PHACTR1: variants seen among roughly 807,000 people sequenced by gnomAD.
PHACTR1 encodes the protein RPEL repeat containing 1.
Under a neutral mutation model 69.2 loss-of-function variants are expected in PHACTR1, and 16 were observed. The ratio of observed to expected loss-of-function variants is 0.23; its 90% confidence interval spans 0.16 to 0.35. The LOEUF is 0.35. PHACTR1 is among the 10% of genes least tolerant of loss of function. The probability of loss-of-function intolerance (pLI) is 1.00; values close to 1 mark genes in which losing one functional copy is unlikely to be tolerated. For missense variants in PHACTR1, 510 were observed against 734.7 expected, an observed-to-expected ratio of 0.69 and a Z score of 3.54; for synonymous variants, 312 against 284.5, an observed-to-expected ratio of 1.10 and a Z score of -0.97.
chr6:12,733,811 A>G (rs1212861909), intron 3 of PHACTR1, among the ~76,000 whole-genome samples: 1 of 152,268 alleles, frequency 6.6e-6, no homozygotes, highest in Non-Finnish European at 1.5e-5. Context: ...TTAGATTTCA[A>G]AAGATGCCAT....
intron 10 of PHACTR1, among the ~76,000 whole-genome samples, chr6:13,262,141 T>C (rs191560690): frequency 1.8e-4 from 27 of 152,164 alleles, no homozygotes; most frequent in Non-Finnish European, 2.5e-4. Flanking sequence ...GAGATGCTGA[T>C]GGACTGCTTC....
intron 5 of PHACTR1, among the ~76,000 whole-genome samples, chr6:13,099,879 C>T (rs1246449227): frequency 6.6e-6 from 1 of 152,184 alleles, no homozygotes; most frequent in African/African-American, 2.4e-5. Flanking sequence ...TCAAAGTCTT[C>T]TGTAATTTGT....
chr6:13,283,218 A>C lies in PHACTR1; in HGVS notation c.1510-204A>C. 3.6e-6 allele frequency: 2 copies of C among 558,614 alleles called. No homozygotes were observed. Among genetic ancestry groups the C allele is most frequent in the Non-Finnish European group, 6.2e-6 (2 of 320,080 alleles). 34.6% of individuals were successfully genotyped at this position (558,614 alleles called of 1,614,324 possible). A position where few individuals can be genotyped will look rare whatever the true frequency, so the allele number is the denominator to read the frequency against. The stretch of plus-strand genomic sequence containing the variant: ...AGGGATAACAAAGCTCTCTCTTAGG[A>C]CCTAGAAACGTCCCACTCCCAAGAG... On this transcript the variant is annotated intron_variant, in intron 12 of 14. Transcript: ENST00000332995. This position sits in a 1 kb window ranked among gnomAD's most constrained non-coding sequence, Gnocchi z 4.7.
At chr6:12,936,456 G>C (rs6912630) in intron 4 of PHACTR1, among the ~76,000 whole-genome samples, 18,606 of 152,172 alleles carry the variant, frequency 0.12, 2,233 homozygotes, top group African/African-American at 0.31. Flanking sequence ...TCTTTTGTAC[G>C]CACTGAAACA....
intron 4 of PHACTR1, among the ~76,000 whole-genome samples, chr6:12,826,835 G>A (rs1776852922): frequency 6.6e-6 from 1 of 152,152 alleles, no homozygotes; most frequent in Non-Finnish European, 1.5e-5. Flanking sequence ...CTCATTATGG[G>A]CATGCTTTGT....
At chr6:12,790,171 C>T (rs1772083960) in intron 4 of PHACTR1, among the ~76,000 whole-genome samples, 2 of 152,050 alleles carry the variant, frequency 1.3e-5, no homozygotes, top group African/African-American at 4.8e-5. Flanking sequence ...TGTGAAAAAC[C>T]CCTTGGTCAA....
intron 5 of PHACTR1, among the ~76,000 whole-genome samples, chr6:13,156,267 C>G (rs1758158650): frequency 6.6e-6 from 1 of 152,146 alleles, no homozygotes; most frequent in Non-Finnish European, 1.5e-5. Flanking sequence ...TCGCTGTGGG[C>G]TCAGGGTTCT....
chr6:12,778,040 G>A (rs546945943), intron 4 of PHACTR1, among the ~76,000 whole-genome samples: 1 of 152,338 alleles, frequency 6.6e-6, no homozygotes, highest in South Asian at 2.1e-4. Context: ...AGCTGCAGGT[G>A]TGGTGCGGGA....
At chr6:12,877,631 C>T (rs948113643) in intron 4 of PHACTR1, among the ~76,000 whole-genome samples, 3 of 152,116 alleles carry the variant, frequency 2.0e-5, no homozygotes, top group Admixed American at 6.5e-5. Flanking sequence ...AGGTGTGCCC[C>T]GGGCTTCCCC....
At chr6:13,110,518 A>G (rs913548163) in intron 5 of PHACTR1, among the ~76,000 whole-genome samples, 1 of 152,206 alleles carries the variant, frequency 6.6e-6, no homozygotes, top group Non-Finnish European at 1.5e-5. Flanking sequence ...CTAAAAACGC[A>G]GGAGGATTTC....
At chr6:12,821,371 G>A (rs1486735006) in intron 4 of PHACTR1, among the ~76,000 whole-genome samples, 1 of 151,182 alleles carries the variant, frequency 6.6e-6, no homozygotes, top group African/African-American at 2.4e-5. Context: ...GCTGAGGCAG[G>A]AGAATTGCTT....
At chr6:12,934,387 C>T (rs1789213067) in intron 4 of PHACTR1, among the ~76,000 whole-genome samples, 1 of 152,290 alleles carries the variant, frequency 6.6e-6, no homozygotes, top group South Asian at 2.1e-4. Context: ...GTTAGAATGT[C>T]AACATATCTT....
chr6:12,926,285 C>T (rs1788260165), intron 4 of PHACTR1, among the ~76,000 whole-genome samples: 2 of 152,128 alleles, frequency 1.3e-5, no homozygotes, highest in South Asian at 4.1e-4. Flanking sequence ...CCCTTTGACT[C>T]TTGTCTTTTC....
chr6:12,818,318 C>T (rs994951732), intron 4 of PHACTR1, among the ~76,000 whole-genome samples: 1 of 152,176 alleles, frequency 6.6e-6, no homozygotes, highest in East Asian at 1.9e-4. Flanking sequence ...TGTCTGGGGA[C>T]TCTGCTGGGT....
At chr6:13,269,360 CG>C (rs1451857746) in intron 10 of PHACTR1, among the ~76,000 whole-genome samples, 1 of 152,156 alleles carries the variant, frequency 6.6e-6, no homozygotes, top group Non-Finnish European at 1.5e-5. Context: ...CCTCTGACAC[CG>C]GCTCACTCAG....
intron 4 of PHACTR1, among the ~76,000 whole-genome samples, chr6:12,818,622 A>G (rs1036110359): frequency 6.6e-6 from 1 of 152,216 alleles, no homozygotes; most frequent in African/African-American, 2.4e-5. Context: ...AGTCTTCCTC[A>G]TGTTCATACA....
intron 3 of PHACTR1, among the ~76,000 whole-genome samples, chr6:12,737,307 A>G (rs1764393594): frequency 6.6e-6 from 1 of 152,138 alleles, no homozygotes; most frequent in African/African-American, 2.4e-5. Context: ...TAGTATAGTT[A>G]TAGGACCACC....
chr6:13,243,822 T>C (rs894905997), intron 10 of PHACTR1, among the ~76,000 whole-genome samples: 1 of 152,190 alleles, frequency 6.6e-6, no homozygotes, highest in Non-Finnish European at 1.5e-5. Context: ...AGTGTTTAGA[T>C]CCTACTTGTA....
intron 4 of PHACTR1, among the ~76,000 whole-genome samples, chr6:12,979,379 G>C (rs1480025346): frequency 6.6e-6 from 1 of 152,204 alleles, no homozygotes; most frequent in Non-Finnish European, 1.5e-5. Context: ...AAGGATGCAA[G>C]TCAGCCAGCA....
Sources: allele counts gnomAD v4.1 joint callset (sites outside exome capture counted in the v4.1 genomes callset), GRCh38; gene constraint gnomAD v4.1.1; non-coding constraint Gnocchi (gnomAD v3.1); transcripts MANE v1.5; gene names NCBI Gene and HGNC (gene_info 2026-07-23, HGNC 2026-07-21).